Variants in PTCHD4 observed in about 807,000 individuals in gnomAD.
PTCHD4 encodes the protein patched domain-containing protein 4.
PTCHD4 carries 33 observed loss-of-function variants against 58.1 expected under a neutral mutation model. That is an observed-to-expected ratio of 0.57 (90% CI 0.43 to 0.76). The LOEUF is 0.76. Among genes scored for constraint, PTCHD4 ranks in the 30% least tolerant of loss-of-function variants. The pLI, the probability that PTCHD4 is intolerant of heterozygous loss-of-function variation, is 0.00. For synonymous variants in PTCHD4, 478 were observed against 409.6 expected (o/e 1.17, Z -2.02); for missense variants, 1,058 against 1,027.1 (o/e 1.03, Z -0.41).
chr6:47,956,760 A>G (rs1766878398), intron 4 of PTCHD4, among the ~76,000 whole-genome samples: 1 of 152,148 alleles, frequency 6.6e-6, no homozygotes, highest in African/African-American at 2.4e-5. Flanking sequence ...AAGCTATTCT[A>G]TGTACTTTTT....
chr6:47,995,067 C>T (rs918403905), intron 4 of PTCHD4, among the ~76,000 whole-genome samples: 13 of 152,100 alleles, frequency 8.5e-5, no homozygotes, highest in East Asian at 3.9e-4. Flanking sequence ...AGATAGATAG[C>T]GTTTGTTTCA....
At chr6:47,918,679 A>C (rs970693367) in intron 4 of PTCHD4, among the ~76,000 whole-genome samples, 1 of 152,194 alleles carries the variant, frequency 6.6e-6, no homozygotes, top group East Asian at 1.9e-4. Flanking sequence ...AGTGGAAAAA[A>C]AAATCACTTC....
chr6:47,896,357 T>C (rs143540654), intron 4 of PTCHD4, among the ~76,000 whole-genome samples: 2,250 of 152,314 alleles, frequency 0.015, 24 homozygotes, highest in Admixed American at 0.023. Flanking sequence ...TCCTAACAAT[T>C]CTTTTTGGAT....
Position 47,963,556 on chromosome 6 carries a change from C to T in PTCHD4, c.898+45078G>A, listed in dbSNP as rs565014552. ...CTCCCATGTTCATTGCAGCATTATT[C>T]ACAATAGACAAGAGTTGAAAGCAAA... On this transcript the variant is annotated intron_variant, in intron 4 of 4. Coordinates refer to ENST00000339488, the MANE Select transcript of PTCHD4 (RefSeq NM_001384253.1). 2.8e-4 allele frequency among the ~76,000 whole-genome samples: 42 copies of T among 152,216 alleles called. 1 individual carries two copies. In the Middle Eastern group the frequency reaches 0.017, roughly 62 times the overall value.
At chr6:47,978,772 G>T (rs1404599637) in intron 4 of PTCHD4, among the ~76,000 whole-genome samples, 7 of 152,098 alleles carry the variant, frequency 4.6e-5, no homozygotes, top group African/African-American at 1.7e-4. Flanking sequence ...GTAAAGTCAG[G>T]ATTCAAAACT....
At chr6:48,101,083 A>G (rs1439760747) in intron 1 of PTCHD4, among the ~76,000 whole-genome samples, 2 of 152,128 alleles carry the variant, frequency 1.3e-5, no homozygotes, top group Admixed American at 6.5e-5. Flanking sequence ...GAAAAAAGGA[A>G]AAAAGAAACC....
rs557379496 is a variant in PTCHD4 at position 47,895,081 on chromosome 6, G to A, written c.899-15145C>T. 2.2e-3 allele frequency among the ~76,000 whole-genome samples: 335 copies of A among 152,262 alleles called. 4 individuals carry two copies. The South Asian group carries it at 0.032, about 15-fold the overall frequency. On this transcript the variant is annotated intron_variant, in intron 4 of 4. Coordinates refer to ENST00000339488, the MANE Select transcript of PTCHD4 (RefSeq NM_001384253.1). ...ACCCATGAGATGGAGGTTGCAGTGAGCTGAGATTGTGCCACTCCACTCCAG... is the reference window on the plus strand; with the variant it reads ...ACCCATGAGATGGAGGTTGCAGTGAACTGAGATTGTGCCACTCCACTCCAG...
Position 48,106,754 on chromosome 6 carries a change from T to C in PTCHD4, c.-970+4295A>G, listed in dbSNP as rs562169443. 2.0e-4 allele frequency among the ~76,000 whole-genome samples: 30 copies of C among 152,276 alleles called. 2 individuals carry two copies. The South Asian group carries it at 6.2e-3, about 32-fold the overall frequency. On this transcript the variant is annotated intron_variant, in intron 1 of 4. Transcript: ENST00000339488. ...AAGCTGATAAGCAACTTCAGCAGTC[T>C]CAGGATACAAAATCAATGTGCAAAA...
chr6:47,894,309 A>G (rs1430371411), intron 4 of PTCHD4, among the ~76,000 whole-genome samples: 3 of 152,246 alleles, frequency 2.0e-5, no homozygotes, highest in Non-Finnish European at 4.4e-5. Flanking sequence ...AAGTTCTTTC[A>G]AAAAATATTT....
At chr6:48,078,438 A>G (rs1256469386) in intron 1 of PTCHD4, among the ~76,000 whole-genome samples, 1 of 152,238 alleles carries the variant, frequency 6.6e-6, no homozygotes, top group Non-Finnish European at 1.5e-5. Context: ...CTGCCAAATT[A>G]TAGTATGGTG....
chr6:47,986,566 TG>T (rs2114022982), intron 4 of PTCHD4, among the ~76,000 whole-genome samples: 1 of 152,220 alleles, frequency 6.6e-6, no homozygotes, highest in South Asian at 2.1e-4. Context: ...TCTTTTGATA[TG>T]GAGATATATG....
At chr6:48,011,412 C>T (rs1762667947) in intron 3 of PTCHD4, among the ~76,000 whole-genome samples, 1 of 146,670 alleles carries the variant, frequency 6.8e-6, no homozygotes. Context: ...CCTTTGCCCA[C>T]CTTTTGATGT....
chr6:47,976,713 G>A (rs948732357), intron 4 of PTCHD4, among the ~76,000 whole-genome samples: 4 of 150,828 alleles, frequency 2.7e-5, no homozygotes, highest in Non-Finnish European at 5.9e-5. Flanking sequence ...TAATTACAAA[G>A]CCACAATTCA....
intron 4 of PTCHD4, among the ~76,000 whole-genome samples, chr6:47,959,177 T>A (rs891423892): frequency 6.6e-6 from 1 of 152,168 alleles, no homozygotes; most frequent in African/African-American, 2.4e-5. Flanking sequence ...ATAAGGACAT[T>A]AACCAGTTAT....
rs1764915792 is a variant in PTCHD4 at position 48,069,145 on chromosome 6, G to GT, written c.-189_-188insA. On this transcript the variant is annotated 5_prime_UTR_variant, in exon 2 of 5. The change creates a premature stop within an existing upstream ORF in the 5' untranslated region. Coordinates refer to ENST00000339488, the MANE Select transcript of PTCHD4 (RefSeq NM_001384253.1). ...AGCAGACATGTGCCCCATAAAGGGG[G>GT]GGGGGGCTGAGGGGGGGAGAGGAGG... is the stretch of plus-strand genomic sequence containing the variant. Among the ~76,000 whole-genome samples the GT allele has an allele frequency of 7.1e-6, 1 of 141,792 alleles. No individual in the cohort carries two copies. Among genetic ancestry groups the GT allele is most frequent in the Non-Finnish European group, 1.5e-5 (1 of 64,528 alleles). The allele number at this position is 141,792 out of a possible 152,430, so 93.0% of individuals were successfully genotyped here. A position where few individuals can be genotyped will look rare whatever the true frequency, so the allele number is the denominator to read the frequency against.
intron 4 of PTCHD4, among the ~76,000 whole-genome samples, chr6:47,925,529 G>A (rs1467191357): frequency 6.6e-6 from 1 of 152,134 alleles, no homozygotes; most frequent in South Asian, 2.1e-4. Context: ...TGCCATCAAA[G>A]CAAAGAGTTC....
intron 4 of PTCHD4, among the ~76,000 whole-genome samples, chr6:47,939,891 C>G (rs1009689037): frequency 4.6e-5 from 7 of 152,042 alleles, no homozygotes; most frequent in African/African-American, 1.7e-4. Flanking sequence ...TGCCCTGAAA[C>G]TGGTCTTTTA....
At chr6:47,881,799 T>C (rs1764028248) in intron 4 of PTCHD4, among the ~76,000 whole-genome samples, 1 of 152,168 alleles carries the variant, frequency 6.6e-6, no homozygotes, top group African/African-American at 2.4e-5. Context: ...AAGCTAGGCA[T>C]TGGAATTCTT....
chr6:48,086,012 C>T (rs751194526), intron 1 of PTCHD4, among the ~76,000 whole-genome samples: 1 of 151,630 alleles, frequency 6.6e-6, no homozygotes, highest in African/African-American at 2.4e-5. Flanking sequence ...TTTGACATGA[C>T]CTGTAACAAT....
Sources: gnomAD v4.1 joint callset for allele counts (sites outside exome capture counted in the v4.1 genomes callset) on GRCh38, gnomAD v4.1.1 for gene constraint, MANE v1.5 for transcripts, NCBI Gene and HGNC (gene_info 2026-07-23, HGNC 2026-07-21) for gene names.